CCSER1: variants seen among roughly 807,000 people sequenced by gnomAD.
CCSER1 encodes coiled-coil serine rich protein 1.
In CCSER1, 41 loss-of-function variants were observed where a neutral mutation model predicts 82.0. The ratio of observed to expected loss-of-function variants is 0.50; its 90% CI spans 0.39 to 0.65. The LOEUF is 0.65. Ranked by LOEUF, CCSER1 falls within the 30% of genes least tolerant of loss-of-function variation. The probability of loss-of-function intolerance (pLI) is 0.00; values close to 1 mark genes in which losing one functional copy is unlikely to be tolerated. For missense variants in CCSER1, 1,119 were observed against 1,064.2 expected (o/e 1.05, Z -0.72); for synonymous variants, 414 against 383.9 (o/e 1.08, Z -0.92).
chr4:90,731,141 AT>A (rs1293162290), intron 7 of CCSER1, among the ~76,000 whole-genome samples: 3 of 152,162 alleles, frequency 2.0e-5, no homozygotes, highest in African/African-American at 7.2e-5. Flanking sequence ...TACATTTTGA[AT>A]GTGGGGTCAG....
chr4:90,905,795 T>C (rs1403478394), intron 8 of CCSER1, among the ~76,000 whole-genome samples: 1 of 152,140 alleles, frequency 6.6e-6, no homozygotes, highest in Non-Finnish European at 1.5e-5. Flanking sequence ...GCTAGCTGTA[T>C]AGTGGAGTTG....
intron 7 of CCSER1, among the ~76,000 whole-genome samples, chr4:90,773,804 A>G (rs941698136): frequency 1.3e-5 from 2 of 152,202 alleles, no homozygotes; most frequent in African/African-American, 4.8e-5. Flanking sequence ...AAGAGAAATT[A>G]GAATGTCTTG....
chr4:90,845,359 T>TAAAAAAA (rs886923723), intron 8 of CCSER1, among the ~76,000 whole-genome samples: 2 of 96,586 alleles, frequency 2.1e-5, no homozygotes, highest in Non-Finnish European at 4.1e-5. Context: ...AGACGCCATC[T>TAAAAAAA]AAAAAAAAAA....
chr4:90,909,594 T>G (rs1316371289), intron 8 of CCSER1, among the ~76,000 whole-genome samples: 3 of 152,236 alleles, frequency 2.0e-5, no homozygotes, highest in African/African-American at 7.2e-5. Flanking sequence ...ATGCCTTTCC[T>G]GATCAGTCAC....
chr4:90,229,832 T>G (rs1744081020), intron 1 of CCSER1, among the ~76,000 whole-genome samples: 1 of 151,960 alleles, frequency 6.6e-6, no homozygotes, highest in African/African-American at 2.4e-5. Context: ...TAGTCTCTGA[T>G]AAAACAGACT....
At chr4:91,288,806 A>T (rs755357716) in intron 10 of CCSER1, among the ~76,000 whole-genome samples, 2 of 152,064 alleles carry the variant, frequency 1.3e-5, no homozygotes, top group African/African-American at 2.4e-5. Context: ...AGATACAAAA[A>T]TACATGATGG....
chr4:91,114,879 A>G (rs1028072249), intron 10 of CCSER1, among the ~76,000 whole-genome samples: 2 of 152,206 alleles, frequency 1.3e-5, no homozygotes, highest in South Asian at 2.1e-4. Flanking sequence ...TATATACAAC[A>G]TGATAATTTT....
rs530516766 is a variant in CCSER1 at position 91,496,141 on chromosome 4, G to A, written c.2218-102431G>A. ...ACAGATGATAATTTTATTTTCTTTT[G>A]GAAACAATCCTAAATGCAGTACCTC... On this transcript the variant is annotated intron_variant, in intron 10 of 10. Coordinates refer to ENST00000509176, the MANE Select transcript of CCSER1 (RefSeq NM_001145065.2). 5.3e-5 allele frequency among the ~76,000 whole-genome samples: 8 copies of A among 151,426 alleles called. No homozygotes were observed. In the East Asian group the frequency reaches 1.6e-3, roughly 29 times the overall value.
At chr4:91,518,842 G>T (rs1474069882) in intron 10 of CCSER1, among the ~76,000 whole-genome samples, 1 of 152,170 alleles carries the variant, frequency 6.6e-6, no homozygotes, top group Non-Finnish European at 1.5e-5. Flanking sequence ...CTCAGCCATG[G>T]GTTGGGCAAC....
At chr4:90,874,720 G>A (rs757800262) in intron 8 of CCSER1, among the ~76,000 whole-genome samples, 1 of 152,012 alleles carries the variant, frequency 6.6e-6, no homozygotes, top group Non-Finnish European at 1.5e-5. Context: ...TGCTCATCTT[G>A]TTTAGTAATT....
intron 5 of CCSER1, among the ~76,000 whole-genome samples, chr4:90,549,125 T>C (rs1777149081): frequency 6.6e-6 from 1 of 152,210 alleles, no homozygotes; most frequent in Non-Finnish European, 1.5e-5. Flanking sequence ...CATTTTTCAC[T>C]AATCATCCAC....
At chr4:90,500,144 T>C (rs917803863) in intron 5 of CCSER1, among the ~76,000 whole-genome samples, 14 of 152,224 alleles carry the variant, frequency 9.2e-5, no homozygotes, top group African/African-American at 3.4e-4. Context: ...CTTTTTTTCA[T>C]GCTAGAAACA....
At chr4:90,507,715 C>G (rs747258779) in intron 5 of CCSER1, among the ~76,000 whole-genome samples, 1 of 151,916 alleles carries the variant, frequency 6.6e-6, no homozygotes, top group Non-Finnish European at 1.5e-5. Flanking sequence ...TAGGACTGTT[C>G]CTCATCTGGC....
intron 10 of CCSER1, among the ~76,000 whole-genome samples, chr4:91,475,707 T>A (rs1757553876): frequency 1.3e-5 from 2 of 151,876 alleles, no homozygotes; most frequent in Admixed American, 1.3e-4. Flanking sequence ...AAATTCTTGT[T>A]ATCTGTAATC....
At chr4:91,457,309 C>T (rs1756235818) in intron 10 of CCSER1, among the ~76,000 whole-genome samples, 1 of 151,936 alleles carries the variant, frequency 6.6e-6, no homozygotes, top group South Asian at 2.1e-4. Flanking sequence ...ACTTGATTAT[C>T]CTAGTTCAAG....
intron 10 of CCSER1, among the ~76,000 whole-genome samples, chr4:91,479,179 T>G (rs1195790574): frequency 1.3e-5 from 2 of 151,610 alleles, no homozygotes; most frequent in African/African-American, 2.4e-5. Flanking sequence ...TTCTTTCTTT[T>G]TTTTTTTAGA....
intron 10 of CCSER1, among the ~76,000 whole-genome samples, chr4:91,162,830 T>C (rs1731575586): frequency 6.6e-6 from 1 of 152,226 alleles, no homozygotes; most frequent in South Asian, 2.1e-4. Context: ...TTTTCTTCTT[T>C]ATTAGTCTGG....
chr4:90,846,724 T>C (rs1763275339), intron 8 of CCSER1, among the ~76,000 whole-genome samples: 1 of 107,586 alleles, frequency 9.3e-6, no homozygotes, highest in Non-Finnish European at 2.0e-5. Context: ...TCATCTCTCC[T>C]GCCATTCTTC....
At chr4:90,913,365 C>T (rs899351731) in intron 8 of CCSER1, among the ~76,000 whole-genome samples, 2 of 152,184 alleles carry the variant, frequency 1.3e-5, no homozygotes, top group African/African-American at 4.8e-5. Flanking sequence ...GAATTTTCAA[C>T]TCAGAATTTC....
Sources: gnomAD v4.1 joint callset for allele counts (sites outside exome capture counted in the v4.1 genomes callset) on GRCh38, gnomAD v4.1.1 for gene constraint, MANE v1.5 for transcripts, NCBI Gene and HGNC (gene_info 2026-07-23, HGNC 2026-07-21) for gene names.